The following GABRA3 variants were observed in gnomAD, a reference collection of about 807,000 sequenced individuals.
GABRA3 encodes the protein gamma-aminobutyric acid receptor subunit alpha-3.
A neutral mutation model predicts 30.1 loss-of-function variants in GABRA3; 10 were observed. The ratio of observed to expected loss-of-function variants is 0.33; its 90% confidence interval spans 0.20 to 0.56. The LOEUF is 0.56. Ranked by LOEUF, GABRA3 falls within the 20% of genes least tolerant of loss-of-function variation. The pLI, the probability that GABRA3 is intolerant of heterozygous loss-of-function variation, is 0.89. For synonymous variants in GABRA3, 151 were observed against 146.8 expected (o/e 1.03, Z -0.21); for missense variants, 233 against 392.0 (o/e 0.59, Z 3.42).
At chrX:152,393,699 G>A (rs766855167) in intron 1 of GABRA3, among the ~76,000 whole-genome samples, 2 of 111,822 alleles carry the variant, frequency 1.8e-5, no homozygotes, top group South Asian at 7.4e-4. Flanking sequence ...CATGGTGCAT[G>A]AGCAACTAAC....
intron 5 of GABRA3, among the ~76,000 whole-genome samples, chrX:152,238,292 C>T (rs1603221715): frequency 1.1e-5 from 1 of 94,950 alleles, no homozygotes; most frequent in African/African-American, 4.4e-5. Context: ...TGCTGGATTA[C>T]ATTTATTGAT....
chrX:152,225,477 A>C (rs1353413521), intron 5 of GABRA3, among the ~76,000 whole-genome samples: 1 of 108,086 alleles, frequency 9.3e-6, no homozygotes, highest in African/African-American at 3.4e-5. Context: ...CCACTCCAGG[A>C]AAAAATACAA....
At chrX:152,346,169 C>T (rs1484498928) in intron 2 of GABRA3, among the ~76,000 whole-genome samples, 1 of 111,713 alleles carries the variant, frequency 9.0e-6, no homozygotes, top group Non-Finnish European at 1.9e-5. Context: ...TGTACATAGT[C>T]TACTTCTACC....
At chrX:152,343,665 C>G (rs1940348418) in intron 3 of GABRA3, among the ~76,000 whole-genome samples, 1 of 111,402 alleles carries the variant, frequency 9.0e-6, no homozygotes. Context: ...TGACTGGTCT[C>G]TCCTCCTTCA....
intron 1 of GABRA3, among the ~76,000 whole-genome samples, chrX:152,431,522 G>A (rs1326837743): frequency 3.6e-5 from 4 of 111,817 alleles, no homozygotes; most frequent in Non-Finnish European, 7.5e-5. Context: ...ATGGTAGGCA[G>A]AATAATGGCC....
intron 3 of GABRA3, among the ~76,000 whole-genome samples, chrX:152,299,348 A>C (rs1939590355): frequency 9.0e-6 from 1 of 110,563 alleles, no homozygotes; most frequent in South Asian, 3.8e-4. Context: ...GAAAAAGTGA[A>C]GCTGAACTGA....
At chrX:152,180,644 T>C (rs1937133796) in intron 9 of GABRA3, among the ~76,000 whole-genome samples, 1 of 112,028 alleles carries the variant, frequency 8.9e-6, no homozygotes, top group Admixed American at 9.5e-5. Context: ...TTCCCCAATG[T>C]TTCATTTTAG....
intron 1 of GABRA3, among the ~76,000 whole-genome samples, chrX:152,438,726 G>A (rs750544453): frequency 1.8e-5 from 2 of 112,052 alleles, no homozygotes; most frequent in South Asian, 7.4e-4. Context: ...AGCCTTAAAA[G>A]CTACATACTG....
intron 3 of GABRA3, among the ~76,000 whole-genome samples, chrX:152,321,359 G>A (rs1939961050): frequency 9.0e-6 from 1 of 111,511 alleles, no homozygotes; most frequent in African/African-American, 3.3e-5. Context: ...TTTTATTACG[G>A]TAAAATACAG....
At chrX:152,343,028 C>T (rs1048097202) in intron 3 of GABRA3, among the ~76,000 whole-genome samples, 11 of 111,687 alleles carry the variant, frequency 9.8e-5, no homozygotes, top group African/African-American at 3.3e-4. Flanking sequence ...GGAGTACATA[C>T]TTGAAAACTT....
At chrX:152,286,500 T>C (rs1169308062) in intron 3 of GABRA3, among the ~76,000 whole-genome samples, 1 of 111,472 alleles carries the variant, frequency 9.0e-6, no homozygotes, top group Non-Finnish European at 1.9e-5. Context: ...CCTTGATGTA[T>C]GTCTATAATA....
chrX:152,248,205 T>TA (rs376313890), intron 5 of GABRA3, among the ~76,000 whole-genome samples: 307 of 105,508 alleles, frequency 2.9e-3, no homozygotes, highest in African/African-American at 9.0e-3. Flanking sequence ...GATTTCAATT[T>TA]AAAAAAAAAA....
chrX:152,342,997 C>A (rs182302599), intron 3 of GABRA3, among the ~76,000 whole-genome samples: 6 of 111,803 alleles, frequency 5.4e-5, no homozygotes, highest in Non-Finnish European at 1.1e-4. Context: ...GTAAGGAGTA[C>A]ATCCTTGAGT....
rs776316114 is a variant in GABRA3 at position 152,172,979 on chromosome X, CACAT to C, written c.1144-4420_1144-4417del. Among the ~76,000 whole-genome samples the C allele has an allele frequency of 7.5e-5, 8 of 105,997 alleles. No homozygotes were observed. In the South Asian group the frequency reaches 2.1e-3, roughly 27 times the overall value. 92.0% of individuals were successfully genotyped at this position (105,997 alleles called of 115,157 possible). A position where few individuals can be genotyped will look rare whatever the true frequency, so the allele number is the denominator to read the frequency against. ...ACACACACACACACACACACACACA[CACAT>C]ATATACACATATATGATTAAATCAG... On this transcript the variant is annotated intron_variant, in intron 9 of 9. Coordinates refer to ENST00000370314, the MANE Select transcript of GABRA3 (RefSeq NM_000808.4).
intron 3 of GABRA3, among the ~76,000 whole-genome samples, chrX:152,332,156 C>A (rs1940173435): frequency 8.9e-6 from 1 of 112,128 alleles, no homozygotes; most frequent in South Asian, 3.7e-4. Context: ...ATCACATCTA[C>A]TTTTCAATTT....
chrX:152,273,132 C>A (rs1256185028), intron 4 of GABRA3, among the ~76,000 whole-genome samples: 1 of 111,401 alleles, frequency 9.0e-6, no homozygotes, highest in Non-Finnish European at 1.9e-5. Context: ...GGCAAAAGAT[C>A]TGAATAGACA....
At chrX:152,204,960 G>A (rs938831717) in intron 7 of GABRA3, among the ~76,000 whole-genome samples, 10 of 111,240 alleles carry the variant, frequency 9.0e-5, no homozygotes, top group African/African-American at 1.6e-4. Context: ...TAGAAGCATC[G>A]CCCCAATCTC....
intron 3 of GABRA3, among the ~76,000 whole-genome samples, chrX:152,300,618 G>A (rs1302948309): frequency 8.9e-6 from 1 of 112,436 alleles, no homozygotes; most frequent in Non-Finnish European, 1.9e-5. Context: ...TTATAACTCT[G>A]TTTCATGAGG....
chrX:152,224,888 A>C, intron 5 of GABRA3, 43 bp from the exon 6 acceptor site: 1 of 965,579 alleles, frequency 1.0e-6, no homozygotes, highest in Non-Finnish European at 1.5e-6. Flanking sequence ...GCTAAAATAA[A>C]TGTTATTAAA....
Sources: gnomAD v4.1 joint callset for allele counts (sites outside exome capture counted in the v4.1 genomes callset) on GRCh38, gnomAD v4.1.1 for gene constraint, MANE v1.5 for transcripts, NCBI Gene and HGNC (gene_info 2026-07-23, HGNC 2026-07-21) for gene names.